Variants in MED12L observed in about 807,000 individuals in gnomAD.
MED12L encodes mediator complex subunit 12L, also known as mediator of RNA polymerase II transcription subunit 12-like protein.
Under a neutral mutation model 281.3 loss-of-function variants are expected in MED12L, and 60 were observed. The observed-to-expected ratio is 0.21, with a 90% CI of 0.17 to 0.26. MED12L has a LOEUF of 0.26. Ranked by LOEUF, MED12L falls within the 10% of genes least tolerant of loss-of-function variation. The probability of loss-of-function intolerance (pLI) is 1.00; values close to 1 mark genes in which losing one functional copy is unlikely to be tolerated. For missense variants in MED12L, 2,146 were observed against 2,680.9 expected (o/e 0.80, Z 4.41); for synonymous variants, 974 against 987.2 (o/e 0.99, Z 0.25).
intron 16 of MED12L, among the ~76,000 whole-genome samples, chr3:151,247,855 A>G (rs1735977589): frequency 6.6e-6 from 1 of 151,838 alleles, no homozygotes; most frequent in South Asian, 2.1e-4. Context: ...CACAGTTTTT[A>G]AAAAAGCTCT....
intron 2 of MED12L, among the ~76,000 whole-genome samples, chr3:151,094,921 A>G (rs1470928450): frequency 6.6e-6 from 1 of 152,192 alleles, no homozygotes; most frequent in Non-Finnish European, 1.5e-5. Flanking sequence ...GGTGGTGCCT[A>G]GGCAGAGGGA....
intron 16 of MED12L, among the ~76,000 whole-genome samples, chr3:151,260,605 T>C (rs531467267): frequency 6.6e-6 from 1 of 152,230 alleles, no homozygotes; most frequent in African/African-American, 2.4e-5. Flanking sequence ...CCTGCCACAG[T>C]CTACCAACAT....
At chr3:151,325,216 C>T (rs1749456460) in intron 16 of MED12L, among the ~76,000 whole-genome samples, 1 of 152,194 alleles carries the variant, frequency 6.6e-6, no homozygotes, top group Non-Finnish European at 1.5e-5. Context: ...TTCTCTGCCT[C>T]ATCCTTTCCA....
intron 16 of MED12L, among the ~76,000 whole-genome samples, chr3:151,242,609 C>T (rs1214987825): frequency 6.6e-6 from 1 of 152,186 alleles, no homozygotes; most frequent in Admixed American, 6.5e-5. Flanking sequence ...CACCAAAAAC[C>T]CATCTGTACA....
At chr3:151,409,915 T>C (rs1481386582) in intron 40 of MED12L, among the ~76,000 whole-genome samples, 1 of 152,166 alleles carries the variant, frequency 6.6e-6, no homozygotes, top group East Asian at 1.9e-4. Context: ...CAGTGAGCTG[T>C]GATCTGTTGC....
intron 16 of MED12L, among the ~76,000 whole-genome samples, chr3:151,247,186 A>G (rs1244315582): frequency 1.3e-5 from 2 of 152,052 alleles, no homozygotes; most frequent in Non-Finnish European, 2.9e-5. Flanking sequence ...TAGTTCAACC[A>G]TTGTGGAAGT....
Position 151,247,314 on chromosome 3 carries a change from G to A in MED12L, c.2250+53648G>A, listed in dbSNP as rs1016059577. 9.4e-4 allele frequency among the ~76,000 whole-genome samples: 143 copies of A among 152,046 alleles called. 1 individual carries two copies. The highest frequency in any genetic ancestry group is 1.7e-3 in the Non-Finnish European group (114 of 68,004). ...TGCTGCTATAAAGACACATGCACAC[G>A]TATGTTTATTGTGGCATTATTCACA... On this transcript the variant is annotated intron_variant, in intron 16 of 44. Coordinates refer to ENST00000687756, the MANE Select transcript of MED12L (RefSeq NM_001393769.1).
intron 2 of MED12L, among the ~76,000 whole-genome samples, chr3:151,101,968 T>A (rs1437794319): frequency 6.6e-6 from 1 of 152,172 alleles, no homozygotes; most frequent in Admixed American, 6.5e-5. Flanking sequence ...TGGAACACTG[T>A]TCAGCTAGGA....
At chr3:151,276,032 T>A (rs958085690) in intron 16 of MED12L, among the ~76,000 whole-genome samples, 1 of 152,174 alleles carries the variant, frequency 6.6e-6, no homozygotes, top group East Asian at 1.9e-4. Flanking sequence ...GGTGATCATA[T>A]TGATGATCAT....
In MED12L at chr3:151,165,469, G is replaced by A. The variant is rs1398385127; in HGVS notation, c.1307G>A (p.Arg436His). ...EVEQQIKQRG[R>H]AVEVRWSFDK... ...GAACAACAGATAAAACAAAGAGGCC[G>A]TGCAGTGGAAGTTCGGTGGTCATTT... Residue 436 changes from arginine to histidine, a missense_variant, in exon 10 of 45, where the codon CGT becomes CAT. Physicochemically the swap from Arg to His is conservative, Grantham distance 29 (BLOSUM62 0). Transcript: ENST00000687756. 1.2e-5 allele frequency: 19 copies of A among 1,613,910 alleles called. No individual in the cohort carries two copies. The highest frequency in any genetic ancestry group is 5.5e-5 in the South Asian group (5 of 91,070).
chr3:151,279,013 A>C (rs1742368132), intron 16 of MED12L, among the ~76,000 whole-genome samples: 1 of 152,200 alleles, frequency 6.6e-6, no homozygotes, highest in South Asian at 2.1e-4. Flanking sequence ...AAGTCTTCAT[A>C]TTTTTAGTTC....
intron 16 of MED12L, chr3:151,337,151 C>T (rs1458156084): frequency 1.3e-5 from 2 of 151,996 alleles, no homozygotes; most frequent in East Asian, 1.9e-4. Flanking sequence ...AAAAGTAAGT[C>T]TCCTTATTTT....
At position 151,194,595 on chromosome 3, in the gene MED12L, G is replaced by A. The variant is rs187058266; in HGVS notation, c.2250+929G>A. ...ATTGGGTAAGACTTCATAGAGGCTT[G>A]TACAAGATAGGCTCAGATTTGGACT... On this transcript the variant is annotated intron_variant, in intron 16 of 44. Transcript: ENST00000687756. Among the ~76,000 whole-genome samples, 261 of 152,234 alleles carry A rather than the reference G, an allele frequency of 1.7e-3. 1 individual carries two copies. Among genetic ancestry groups the A allele is most frequent in the African/African-American group, 5.7e-3 (238 of 41,554 alleles).
intron 13 of MED12L, 82 bp from the exon 14 acceptor site, chr3:151,190,635 T>A: frequency 8.2e-7 from 1 of 1,226,802 alleles, no homozygotes; most frequent in African/African-American, 1.5e-5. Context: ...TTGTGAAAAG[T>A]AATGAAAATA....
chr3:151,329,546 G>C (rs1324958854), intron 16 of MED12L: 3 of 1,533,910 alleles, frequency 2.0e-6, no homozygotes, highest in Non-Finnish European at 2.6e-6. Flanking sequence ...GCCTACAAAT[G>C]AGCATGTGAA....
intron 16 of MED12L, among the ~76,000 whole-genome samples, chr3:151,279,511 G>A (rs529884818): frequency 1.3e-5 from 2 of 152,296 alleles, no homozygotes; most frequent in East Asian, 3.9e-4. Flanking sequence ...GCAAAGACCT[G>A]TGAGACACAG....
chr3:151,158,566 A>G (rs1219373542), intron 6 of MED12L, 123 bp from the exon 7 acceptor site: 2 of 597,870 alleles, frequency 3.3e-6, no homozygotes, highest in Admixed American at 3.3e-5. Flanking sequence ...ACTGTGAGCA[A>G]TGAGACTATG....
intron 11 of MED12L, among the ~76,000 whole-genome samples, chr3:151,175,987 CTT>C (rs1212821739): frequency 3.3e-5 from 5 of 152,196 alleles, no homozygotes; most frequent in East Asian, 1.9e-4. Flanking sequence ...TTCATTTTCT[CTT>C]GTTTGCTGTC....
At chr3:151,381,999 T>C (rs1199229563) in intron 32 of MED12L, among the ~76,000 whole-genome samples, 1 of 152,038 alleles carries the variant, frequency 6.6e-6, no homozygotes, top group Admixed American at 6.6e-5. Flanking sequence ...GAATTGCACT[T>C]TTTTTTTGCT....
Sources: gnomAD v4.1 joint callset for allele counts (sites outside exome capture counted in the v4.1 genomes callset) on GRCh38, gnomAD v4.1.1 for gene constraint, MANE v1.5 for transcripts, NCBI Gene and HGNC (gene_info 2026-07-23, HGNC 2026-07-21) for gene names.